The following ERBB4 variants were observed in gnomAD, a reference collection of about 807,000 sequenced individuals.
ERBB4 encodes erb-b2 receptor tyrosine kinase 4.
A neutral mutation model predicts 158.0 loss-of-function variants in ERBB4; 42 were observed. The ratio of observed to expected loss-of-function variants is 0.27; its 90% CI spans 0.21 to 0.34. The LOEUF is 0.34. Among genes scored for constraint, ERBB4 ranks in the 10% least tolerant of loss-of-function variants. ERBB4 has a pLI of 1.00. For synonymous variants in ERBB4, 583 were observed against 558.7 expected, an observed-to-expected ratio of 1.04 and a Z score of -0.61; for missense variants, 1,333 against 1,624.1, an observed-to-expected ratio of 0.82 and a Z score of 3.08.
chr2:212,481,882 A>C (rs1221463020), intron 1 of ERBB4, among the ~76,000 whole-genome samples: 1 of 152,214 alleles, frequency 6.6e-6, no homozygotes, highest in East Asian at 1.9e-4. Context: ...TGTTTAAAAG[A>C]GTTCAGCACC....
chr2:211,966,880 T>G (rs75868020), intron 2 of ERBB4, among the ~76,000 whole-genome samples: 9,973 of 152,176 alleles, frequency 0.066, 666 homozygotes, highest in East Asian at 0.28. Context: ...ACCCAAGTTG[T>G]GTATAATTTT....
chr2:211,433,158 TG>T (rs1445490030), intron 20 of ERBB4, among the ~76,000 whole-genome samples: 1 of 152,056 alleles, frequency 6.6e-6, no homozygotes, highest in Non-Finnish European at 1.5e-5. Context: ...TGAGGGACAG[TG>T]GTGAGCAGTG....
intron 20 of ERBB4, among the ~76,000 whole-genome samples, chr2:211,559,745 C>T (rs1170371730): frequency 4.6e-5 from 7 of 152,120 alleles, no homozygotes; most frequent in Non-Finnish European, 1.0e-4. Context: ...GAACCAGGCT[C>T]GTATCTGCAT....
intron 1 of ERBB4, among the ~76,000 whole-genome samples, chr2:212,423,396 A>C (rs571079301): frequency 1.3e-5 from 2 of 152,328 alleles, no homozygotes; most frequent in South Asian, 4.1e-4. Context: ...AGCTGAAAGA[A>C]GACCATGTAT....
Position 212,385,897 on chromosome 2 carries a change from T to C in ERBB4, c.82+152552A>G, listed in dbSNP as rs147602440. On this transcript the variant is annotated intron_variant, in intron 1 of 27. Coordinates refer to ENST00000342788, the MANE Select transcript of ERBB4 (RefSeq NM_005235.3). Reference sequence around the variant, plus strand: ...CACAGTCTTACATATAGGCAGACTATTGTTTTATCCACATTAAGAAACAAC... The same window carrying C: ...CACAGTCTTACATATAGGCAGACTACTGTTTTATCCACATTAAGAAACAAC... Among the ~76,000 whole-genome samples, 27 of 152,104 alleles carry C rather than the reference T, an allele frequency of 1.8e-4. No homozygotes were observed. The East Asian group carries it at 5.2e-3, about 29-fold the overall frequency.
chr2:212,046,436 A>T (rs1259423945), intron 2 of ERBB4, among the ~76,000 whole-genome samples: 1 of 152,330 alleles, frequency 6.6e-6, no homozygotes, highest in South Asian at 2.1e-4. Context: ...TTTGCTGTTT[A>T]TAAGTTAAAT....
At chr2:212,072,637 T>C (rs2078157922) in intron 2 of ERBB4, among the ~76,000 whole-genome samples, 1 of 152,044 alleles carries the variant, frequency 6.6e-6, no homozygotes, top group African/African-American at 2.4e-5. Context: ...GATCTACTCG[T>C]CAAATCTCAT....
At chr2:212,206,589 C>CTTTTCTTTTTTTTTTTTTTTTTTTT (rs2082754707) in intron 1 of ERBB4, among the ~76,000 whole-genome samples, 1 of 116,450 alleles carries the variant, frequency 8.6e-6, no homozygotes, top group Admixed American at 8.0e-5. Context: ...CTGTTCTGTT[C>CTTTTCTTTTTTTTTTTTTTTTTTTT]TTTTTTTTTT....
At chr2:211,733,358 AGAGT>A (rs764026341) in intron 5 of ERBB4, among the ~76,000 whole-genome samples, 22 of 152,204 alleles carry the variant, frequency 1.4e-4, no homozygotes, top group East Asian at 3.8e-4. Context: ...AATATTCTTG[AGAGT>A]GAGTAAGAGT....
At chr2:212,409,390 A>C (rs1231173181) in intron 1 of ERBB4, among the ~76,000 whole-genome samples, 1 of 152,094 alleles carries the variant, frequency 6.6e-6, no homozygotes, top group Non-Finnish European at 1.5e-5. Context: ...CAATGTTTTA[A>C]AGTCCTTGAG....
chr2:211,831,377 C>G (rs2077216351), intron 3 of ERBB4, among the ~76,000 whole-genome samples: 2 of 152,136 alleles, frequency 1.3e-5, no homozygotes, highest in Admixed American at 1.3e-4. Flanking sequence ...AATGAGAGAG[C>G]TTTTCAGGGT....
intron 1 of ERBB4, among the ~76,000 whole-genome samples, chr2:212,450,376 T>A (rs13420607): frequency 6.6e-6 from 1 of 152,084 alleles, no homozygotes; most frequent in Admixed American, 6.6e-5. Context: ...GAGCCCAGTA[T>A]AATCCTTTTC....
chr2:212,151,507 G>A, intron 1 of ERBB4, among the ~76,000 whole-genome samples: 1 of 150,796 alleles, frequency 6.6e-6, no homozygotes, highest in African/African-American at 2.4e-5. Context: ...GATTTGAGTG[G>A]GAATTTTAAA....
chr2:212,311,228 A>C (rs1242408305), intron 1 of ERBB4, among the ~76,000 whole-genome samples: 1 of 150,924 alleles, frequency 6.6e-6, no homozygotes, highest in Non-Finnish European at 1.5e-5. Context: ...CAGAGGGGCT[A>C]ACAATATATG....
At chr2:212,401,844 T>C (rs1197601665) in intron 1 of ERBB4, among the ~76,000 whole-genome samples, 1 of 152,036 alleles carries the variant, frequency 6.6e-6, no homozygotes, top group African/African-American at 2.4e-5. Context: ...TACATACCTA[T>C]CAGAATGGGT....
intron 4 of ERBB4, among the ~76,000 whole-genome samples, chr2:211,780,410 A>T (rs2076006027): frequency 6.6e-6 from 1 of 152,208 alleles, no homozygotes; most frequent in South Asian, 2.1e-4. Flanking sequence ...ATGTATATTG[A>T]AAACTGTACT....
At chr2:212,303,771 G>A (rs909376451) in intron 1 of ERBB4, among the ~76,000 whole-genome samples, 2 of 151,606 alleles carry the variant, frequency 1.3e-5, no homozygotes, top group Non-Finnish European at 3.0e-5. Flanking sequence ...TTTGCTACTA[G>A]CCATGTTCTT....
chr2:212,473,994 T>C (rs983619842), intron 1 of ERBB4, among the ~76,000 whole-genome samples: 7 of 152,126 alleles, frequency 4.6e-5, no homozygotes, highest in African/African-American at 1.4e-4. Context: ...ATTCAACCAA[T>C]TGTAGAAAAT....
intron 3 of ERBB4, among the ~76,000 whole-genome samples, chr2:211,855,186 T>A (rs374529797): frequency 6.6e-6 from 1 of 152,216 alleles, no homozygotes; most frequent in Non-Finnish European, 1.5e-5. Flanking sequence ...ACATTTTTTA[T>A]TGAGTTACCT....
Sources: gnomAD v4.1 joint callset for allele counts (sites outside exome capture counted in the v4.1 genomes callset) on GRCh38, gnomAD v4.1.1 for gene constraint, MANE v1.5 for transcripts, NCBI Gene and HGNC (gene_info 2026-07-23, HGNC 2026-07-21) for gene names.